The following CAPRIN1 variants were observed in gnomAD, a reference collection of about 807,000 sequenced individuals.
The protein encoded by CAPRIN1 is cell cycle associated protein 1, also known as caprin-1.
A neutral mutation model predicts 100.9 loss-of-function variants in CAPRIN1; 29 were observed. That is an observed-to-expected ratio of 0.29 (90% CI 0.21 to 0.39). The LOEUF (loss-of-function observed/expected upper bound fraction) is 0.39, where lower values mean the gene tolerates loss of function less well. Among genes scored for constraint, CAPRIN1 ranks in the 10% least tolerant of loss-of-function variants. The pLI is 1.00. For missense variants in CAPRIN1, 795 were observed against 876.7 expected (o/e 0.91, Z 1.18); for synonymous variants, 338 against 307.5 (o/e 1.10, Z -1.04).
At chr11:34,056,841 GC>G (rs1335106948) in intron 2 of CAPRIN1, among the ~76,000 whole-genome samples, 1 of 152,196 alleles carries the variant, frequency 6.6e-6, no homozygotes, top group Non-Finnish European at 1.5e-5. Flanking sequence ...ATGATCACTT[GC>G]GTAAAATGCA....
At position 34,097,677 on chromosome 11, in the gene CAPRIN1, A is replaced by C. The variant is rs530012010; in HGVS notation, c.2002-21A>C. 318 of 1,613,960 alleles carry C rather than the reference A, an allele frequency of 2.0e-4. 4 individuals are homozygous for C. In the South Asian group the frequency reaches 3.2e-3, roughly 16 times the overall value. On this transcript the variant is annotated intron_variant, in intron 17 of 18. Coordinates refer to ENST00000341394, the MANE Select transcript of CAPRIN1 (RefSeq NM_005898.5). ...ATTTTTTAAAAAGTACCTTTTCAATACTAACTAGCTTGTCTTTTAGGATGG... is the reference window on the plus strand; with the variant it reads ...ATTTTTTAAAAAGTACCTTTTCAATCCTAACTAGCTTGTCTTTTAGGATGG...
intron 15 of CAPRIN1, among the ~76,000 whole-genome samples, chr11:34,094,384 A>G (rs1242803744): frequency 6.6e-6 from 1 of 152,152 alleles, no homozygotes; most frequent in African/African-American, 2.4e-5. Context: ...TCATTTCAGT[A>G]TGTCCCATCA....
At position 34,054,498 on chromosome 11, in the gene CAPRIN1, G is replaced by C. The variant is rs148398962; in HGVS notation, c.216+1862G>C. Among the ~76,000 whole-genome samples, 926 of 152,018 alleles carry C rather than the reference G, an allele frequency of 6.1e-3. 12 individuals are homozygous for C. The highest frequency in any genetic ancestry group is 0.021 in the African/African-American group (874 of 41,416). ...GCTGGAGTACAATGGCGCGATCTCAGCTCACTGCAACCTCCACCTCCCGGG... is the reference window on the plus strand; with the variant it reads ...GCTGGAGTACAATGGCGCGATCTCACCTCACTGCAACCTCCACCTCCCGGG... On this transcript the variant is annotated intron_variant, in intron 2 of 18. Transcript: ENST00000341394.
Position 34,086,127 on chromosome 11 carries a change from T to G in CAPRIN1, c.1030T>G (p.Leu344Val), listed in dbSNP as rs769722711. 6.2e-7 allele frequency: 1 copy of G among 1,614,002 alleles called. No individual in the cohort carries two copies. The change falls in exon 10 of 19, where the codon TTG (leucine) becomes GTG (valine). Residue 344 changes from leucine (L) to valine (V), a missense_variant. Physicochemically the swap from Leu to Val is conservative, Grantham distance 32. Transcript: ENST00000341394. Reference sequence around the variant, plus strand: ...CCCTTCAGTACCAGAGCCCCACTCTTTGACTCCAGTGGCTCAGGCAGATCC... The same window carrying G: ...CCCTTCAGTACCAGAGCCCCACTCTGTGACTCCAGTGGCTCAGGCAGATCC... ...ASPSVPEPHS[L>V]TPVAQADPLV...
chr11:34,086,871 A>G (rs1387413571), intron 11 of CAPRIN1, among the ~76,000 whole-genome samples: 2 of 152,202 alleles, frequency 1.3e-5, no homozygotes, highest in Non-Finnish European at 2.9e-5. Flanking sequence ...TTCAAAATTA[A>G]TCTAGGAGTA....
Position 34,086,046 on chromosome 11 carries a change from CT to C in CAPRIN1, c.967-10del, listed in dbSNP as rs749938795. On this transcript the variant is annotated splice_polypyrimidine_tract_variant and intron_variant, in intron 9 of 18. Coordinates refer to ENST00000341394, the MANE Select transcript of CAPRIN1 (RefSeq NM_005898.5). ...TTTTGCTCTCCTATTCCTTCTAATC[CT>C]TTTTTTTCTACCTTAGGTGGTAAAT... is the stretch of plus-strand genomic sequence containing the variant. 1.7e-5 allele frequency: 27 copies of C among 1,609,542 alleles called. No individual in the cohort carries two copies. Among genetic ancestry groups the C allele is most frequent in the Middle Eastern group, 1.7e-4 (1 of 6,058 alleles).
intron 17 of CAPRIN1, 34 bp from the exon 18 acceptor site, chr11:34,097,664 G>T: frequency 6.2e-7 from 1 of 1,613,116 alleles, no homozygotes; most frequent in Non-Finnish European, 8.5e-7. Context: ...TTTTTAAAAA[G>T]TACCTTTTCA....
chr11:34,053,931 C>G (rs1850391653), intron 2 of CAPRIN1, among the ~76,000 whole-genome samples: 1 of 152,188 alleles, frequency 6.6e-6, no homozygotes, highest in African/African-American at 2.4e-5. Flanking sequence ...TTCTACTTGT[C>G]TGCCTCTAGG....
intron 2 of CAPRIN1, among the ~76,000 whole-genome samples, chr11:34,062,437 AAC>A (rs1850600582): frequency 1.3e-5 from 2 of 152,204 alleles, no homozygotes; most frequent in South Asian, 4.2e-4. Context: ...CATCTTGGCT[AAC>A]ACAGTGAAAC....
chr11:34,055,358 T>TGTCC (rs1189911295), intron 2 of CAPRIN1, among the ~76,000 whole-genome samples: 1 of 151,910 alleles, frequency 6.6e-6, no homozygotes, highest in African/African-American at 2.4e-5. Flanking sequence ...GTCTCGCTCT[T>TGTCC]GTCCGCCAGG....
intron 3 of CAPRIN1, 23 bp downstream of exon 3, chr11:34,071,811 T>C: frequency 6.3e-7 from 1 of 1,589,996 alleles, no homozygotes. Flanking sequence ...TATTTTTTAT[T>C]TTAGACCTAA....
chr11:34,066,411 G>A (rs1850695801), intron 2 of CAPRIN1, among the ~76,000 whole-genome samples: 1 of 151,720 alleles, frequency 6.6e-6, no homozygotes, highest in African/African-American at 2.4e-5. Context: ...TTGGCTCTCT[G>A]CAACCTCTGC....
At chr11:34,071,824 C>T (rs1408074533) in intron 3 of CAPRIN1, 36 bp downstream of exon 3, 1 of 1,577,952 alleles carries the variant, frequency 6.3e-7, no homozygotes, top group Non-Finnish European at 8.7e-7. Flanking sequence ...AGACCTAATG[C>T]TCACTATTTT....
At chr11:34,060,683 A>G (rs149383373) in intron 2 of CAPRIN1, among the ~76,000 whole-genome samples, 62 of 152,338 alleles carry the variant, frequency 4.1e-4, no homozygotes, top group Middle Eastern at 3.4e-3. Context: ...ACACATTGCA[A>G]TCTATAGATG....
At chr11:34,061,657 A>T (rs1297571108) in intron 2 of CAPRIN1, among the ~76,000 whole-genome samples, 1 of 151,854 alleles carries the variant, frequency 6.6e-6, no homozygotes, top group Non-Finnish European at 1.5e-5. Flanking sequence ...GCCACTCTTT[A>T]AGTTCTTGGT....
chr11:34,069,545 C>G (rs1249512316), intron 2 of CAPRIN1, among the ~76,000 whole-genome samples: 1 of 152,012 alleles, frequency 6.6e-6, no homozygotes, highest in Non-Finnish European at 1.5e-5. Flanking sequence ...CTTCCCTTTT[C>G]TTCCCTTTTA....
In CAPRIN1 at chr11:34,091,956, A is replaced by G. The variant is rs1432266888; in HGVS notation, c.1605A>G (p.Leu535=). Residue 535 remains leucine, a synonymous_variant, in exon 15 of 19, where the codon TTA becomes TTG. Transcript: ENST00000341394. ...PVPPVNEPET[L]KQQNQYQASY... is the part of the protein sequence containing the mutation. ...CTCCTGTTAATGAACCAGAAACTTT[A>G]AAACAGCAAAATCAGTACCAGGCCA... 1.7e-5 allele frequency: 28 copies of G among 1,613,996 alleles called. No individual in the cohort carries two copies. The highest frequency in any genetic ancestry group is 2.4e-5 in the Non-Finnish European group (28 of 1,179,948).
intron 14 of CAPRIN1, 92 bp downstream of exon 14, chr11:34,090,770 C>A: frequency 9.2e-7 from 1 of 1,090,998 alleles, no homozygotes; most frequent in Non-Finnish European, 1.3e-6. Flanking sequence ...TTTAACTGTG[C>A]TTGAGTCTGC....
chr11:34,098,820 A>G (rs1042280137), intron 18 of CAPRIN1: 2 of 984,500 alleles, frequency 2.0e-6, no homozygotes, highest in Admixed American at 1.2e-4. Context: ...ACAGTTTTGA[A>G]TGTTATGTAG....
Sources: allele counts gnomAD v4.1 joint callset (sites outside exome capture counted in the v4.1 genomes callset), GRCh38; gene constraint gnomAD v4.1.1; transcripts MANE v1.5; gene names NCBI Gene and HGNC (gene_info 2026-07-23, HGNC 2026-07-21).